CCR5AS: variants seen among roughly 807,000 people sequenced by gnomAD.
The protein encoded by CCR5AS is CCR5 antisense RNA.
At chr3:46,388,247 G>A (rs912562752) in intron 2 of CCR5AS, among the ~76,000 whole-genome samples, 2 of 152,186 alleles carry the variant, frequency 1.3e-5, no homozygotes, top group Admixed American at 1.3e-4. Flanking sequence ...GCTGCTTCAA[G>A]CAGGATTAGG....
chr3:46,364,565 C>T (rs1489838365), exon 4 of CCR5AS, among the ~76,000 whole-genome samples: 1 of 152,100 alleles, frequency 6.6e-6, no homozygotes, highest in Non-Finnish European at 1.5e-5. Flanking sequence ...AACATCCATT[C>T]TGCAGTCCAT....
intron 2 of CCR5AS, chr3:46,373,277 T>A (rs773818071): frequency 6.2e-7 from 1 of 1,614,142 alleles, no homozygotes; most frequent in Non-Finnish European, 8.5e-7. Context: ...TGACAATCGA[T>A]AGGTACCTGG....
intron 2 of CCR5AS, chr3:46,373,238 C>A (rs759216579): frequency 6.8e-6 from 11 of 1,614,140 alleles, no homozygotes; most frequent in Non-Finnish European, 9.3e-6. Context: ...TTATAGGCTT[C>A]TTCTCTGGAA....
intron 1 of CCR5AS, among the ~76,000 whole-genome samples, chr3:46,404,433 C>T (rs1470823882): frequency 1.3e-5 from 2 of 149,180 alleles, no homozygotes; most frequent in Non-Finnish European, 3.0e-5. Flanking sequence ...CTCCTGGGTT[C>T]GAGTGATTCT....
intron 1 of CCR5AS, among the ~76,000 whole-genome samples, chr3:46,396,632 C>T (rs938311662): frequency 1.3e-5 from 2 of 152,218 alleles, no homozygotes; most frequent in South Asian, 2.1e-4. Flanking sequence ...CCAGGCAATG[C>T]CCCCTTCCCA....
chr3:46,371,896 A>G (rs1204193306), intron 2 of CCR5AS, among the ~76,000 whole-genome samples: 3 of 152,124 alleles, frequency 2.0e-5, no homozygotes, highest in Non-Finnish European at 2.9e-5. Context: ...GTCACCAAAC[A>G]TCTGATGGTC....
chr3:46,404,218 CAAGA>C (rs940499903), intron 1 of CCR5AS, among the ~76,000 whole-genome samples: 2 of 149,864 alleles, frequency 1.3e-5, no homozygotes, highest in Non-Finnish European at 3.0e-5. Flanking sequence ...AACTTAGTGA[CAAGA>C]AAGAATGAGA....
intron 3 of CCR5AS, among the ~76,000 whole-genome samples, chr3:46,367,922 G>A (rs1041083024): frequency 9.9e-5 from 15 of 152,114 alleles, no homozygotes; most frequent in East Asian, 5.8e-4. Context: ...TTTACAGCCC[G>A]TCTCACTGTT....
chr3:46,365,848 G>A (rs758499692), intron 3 of CCR5AS, among the ~76,000 whole-genome samples: 1 of 152,092 alleles, frequency 6.6e-6, no homozygotes, highest in African/African-American at 2.4e-5. Flanking sequence ...TGACCCAGGG[G>A]CACTCTTGAT....
intron 3 of CCR5AS, among the ~76,000 whole-genome samples, chr3:46,368,922 G>C (rs565029190): frequency 6.6e-6 from 1 of 152,342 alleles, no homozygotes; most frequent in Non-Finnish European, 1.5e-5. Context: ...CAGAAATACA[G>C]TGTTGGTCCG....
chr3:46,388,813 C>T (rs144564131), intron 2 of CCR5AS, among the ~76,000 whole-genome samples: 91 of 152,062 alleles, frequency 6.0e-4, no homozygotes, highest in African/African-American at 2.1e-3. Context: ...AGAATGGGAA[C>T]GAGAATAAGA....
At chr3:46,377,311 G>A (rs1246072461) in intron 2 of CCR5AS, among the ~76,000 whole-genome samples, 1 of 152,130 alleles carries the variant, frequency 6.6e-6, no homozygotes, top group African/African-American at 2.4e-5. Flanking sequence ...CGACCTTCAG[G>A]ATCTGACTTT....
At chr3:46,378,053 C>T (rs1701780342) in intron 2 of CCR5AS, among the ~76,000 whole-genome samples, 1 of 152,208 alleles carries the variant, frequency 6.6e-6, no homozygotes, top group African/African-American at 2.4e-5. Flanking sequence ...AGCTTGTTAA[C>T]ACATCCACTT....
At chr3:46,391,469 A>G (rs199534951) in intron 2 of CCR5AS, among the ~76,000 whole-genome samples, 1 of 152,328 alleles carries the variant, frequency 6.6e-6, no homozygotes, top group East Asian at 1.9e-4. Context: ...AATAAAATGC[A>G]TATTGAGAAT....
At chr3:46,382,446 C>T (rs1701825537) in intron 2 of CCR5AS, among the ~76,000 whole-genome samples, 2 of 152,024 alleles carry the variant, frequency 1.3e-5, no homozygotes, top group Non-Finnish European at 2.9e-5. Flanking sequence ...TTCTCTTTTG[C>T]CTATTACACT....
At chr3:46,399,316 T>C (rs1263027199) in intron 1 of CCR5AS, among the ~76,000 whole-genome samples, 1 of 152,196 alleles carries the variant, frequency 6.6e-6, no homozygotes, top group Non-Finnish European at 1.5e-5. Flanking sequence ...TGATTACATT[T>C]AAACAAGGAT....
At chr3:46,380,554 G>A (rs1480623183) in intron 2 of CCR5AS, among the ~76,000 whole-genome samples, 1 of 152,186 alleles carries the variant, frequency 6.6e-6, no homozygotes, top group Non-Finnish European at 1.5e-5. Context: ...GAAGAGCATT[G>A]CCTGCCCTAA....
intron 2 of CCR5AS, among the ~76,000 whole-genome samples, chr3:46,388,205 G>A (rs1414298035): frequency 6.6e-6 from 1 of 152,100 alleles, no homozygotes; most frequent in African/African-American, 2.4e-5. Context: ...TTTGGGGGTG[G>A]TATGGAGAGA....
rs186686310 is a variant in CCR5AS, at chr3:46,393,309, C to A, written n.164-257G>T. On this transcript the variant is annotated intron_variant and non_coding_transcript_variant, in intron 1 of 3. Coordinates refer to ENST00000451485, the Ensembl canonical transcript of CCR5AS. ...AGGCAGGAGCGGCCTATTTTCACTTCTTTTGTGGTTCTTCAGTTGCTTCAG... is the reference window on the plus strand; with the variant it reads ...AGGCAGGAGCGGCCTATTTTCACTTATTTTGTGGTTCTTCAGTTGCTTCAG... Among the ~76,000 whole-genome samples, 40 of 152,018 alleles carry A rather than the reference C, an allele frequency of 2.6e-4. No individual in the cohort carries two copies. The East Asian group carries it at 7.3e-3, about 28-fold the overall frequency.
Sources: gnomAD v4.1 joint callset for allele counts (sites outside exome capture counted in the v4.1 genomes callset) on GRCh38, gnomAD v4.1.1 for gene constraint, MANE v1.5 for transcripts, NCBI Gene and HGNC (gene_info 2026-07-23, HGNC 2026-07-21) for gene names.